Variants in FHIT observed in about 807,000 individuals in gnomAD.
The protein encoded by FHIT is bis(5'-adenosyl)-triphosphatase.
A neutral mutation model predicts 17.9 loss-of-function variants in FHIT; 19 were observed. The ratio of observed to expected loss-of-function variants is 1.06; its 90% CI spans 0.74 to 1.56. FHIT has a LOEUF of 1.56. Ranked by LOEUF, FHIT falls within the 40% of genes most tolerant of loss-of-function variation. FHIT has a pLI of 0.00. For missense variants in FHIT, 248 were observed against 189.2 expected, an observed-to-expected ratio of 1.31 and a Z score of -1.82; for synonymous variants, 81 against 69.7, an observed-to-expected ratio of 1.16 and a Z score of -0.81.
chr3:60,716,518 A>G (rs578132038), intron 4 of FHIT, among the ~76,000 whole-genome samples: 1 of 152,260 alleles, frequency 6.6e-6, no homozygotes, highest in East Asian at 1.9e-4. Context: ...GCAGGTCTTC[A>G]GGGGCAGTAA....
chr3:61,078,554 C>T (rs1208929709), intron 2 of FHIT, among the ~76,000 whole-genome samples: 5 of 152,136 alleles, frequency 3.3e-5, no homozygotes, highest in Non-Finnish European at 7.4e-5. Context: ...CTCCCCATTC[C>T]CTGCTTTCAT....
chr3:60,309,987 C>T (rs1340553165), intron 5 of FHIT, among the ~76,000 whole-genome samples: 4 of 152,242 alleles, frequency 2.6e-5, no homozygotes, highest in African/African-American at 7.2e-5. Flanking sequence ...TCCTTGAGGA[C>T]AAGGACACGT....
At chr3:59,967,920 A>G (rs1708004023) in intron 7 of FHIT, among the ~76,000 whole-genome samples, 2 of 152,126 alleles carry the variant, frequency 1.3e-5, no homozygotes, top group South Asian at 4.1e-4. Context: ...AGAAAATGGA[A>G]AATGAAGGAA....
At chr3:60,516,441 A>G (rs2035160907) in intron 5 of FHIT, among the ~76,000 whole-genome samples, 1 of 152,162 alleles carries the variant, frequency 6.6e-6, no homozygotes, top group South Asian at 2.1e-4. Flanking sequence ...ATATAGTTGG[A>G]AAAGGAACTA....
intron 1 of FHIT, among the ~76,000 whole-genome samples, chr3:61,228,224 C>CTT (rs1398243923): frequency 2.0e-5 from 3 of 151,920 alleles, no homozygotes; most frequent in Non-Finnish European, 4.4e-5. Flanking sequence ...TGACCCTCTT[C>CTT]TTTTTCTTCA....
chr3:60,752,948 A>G lies in FHIT; in HGVS notation c.-18+68971T>C, dbSNP rs368668550. 4.6e-5 allele frequency among the ~76,000 whole-genome samples: 7 copies of G among 152,308 alleles called. No individual in the cohort carries two copies. The East Asian group carries it at 5.8e-4, about 13-fold the overall frequency. On this transcript the variant is annotated intron_variant, in intron 4 of 9. Transcript: ENST00000492590. Reference sequence around the variant, plus strand: ...CCGTTAGGCATCTGTCGTGCTCCCAATTACATTACTTTCGACAGCCCTAAG... The same window carrying G: ...CCGTTAGGCATCTGTCGTGCTCCCAGTTACATTACTTTCGACAGCCCTAAG...
At chr3:61,177,989 T>G (rs1330104517) in intron 2 of FHIT, among the ~76,000 whole-genome samples, 3 of 152,200 alleles carry the variant, frequency 2.0e-5, no homozygotes, top group African/African-American at 4.8e-5. Context: ...CAGTGATGCA[T>G]CCCATTGGTC....
At chr3:60,707,326 G>A (rs1410881738) in intron 4 of FHIT, among the ~76,000 whole-genome samples, 1 of 152,166 alleles carries the variant, frequency 6.6e-6, no homozygotes, top group African/African-American at 2.4e-5. Context: ...ACTGACACAG[G>A]AGACTGACAG....
In FHIT at chr3:60,649,314, G is replaced by A. The variant is rs558548259; in HGVS notation, c.-17-112335C>T. On this transcript the variant is annotated intron_variant, in intron 4 of 9. Transcript: ENST00000492590. ...ACTCAGGAGTCTGAGGCAGGAGGCTGAGGCGTTAACCTGGGAGGCAGAGCT... is the reference window on the plus strand; with the variant it reads ...ACTCAGGAGTCTGAGGCAGGAGGCTAAGGCGTTAACCTGGGAGGCAGAGCT... Among the ~76,000 whole-genome samples, 98 of 152,256 alleles carry A rather than the reference G, an allele frequency of 6.4e-4. 1 individual carries two copies. The highest frequency in any genetic ancestry group is 2.1e-3 in the African/African-American group (89 of 41,568).
At chr3:61,113,221 G>A (rs563373821) in intron 2 of FHIT, among the ~76,000 whole-genome samples, 47 of 151,876 alleles carry the variant, frequency 3.1e-4, no homozygotes, top group Non-Finnish European at 5.9e-4. Flanking sequence ...TGTTGCCCAG[G>A]CTGCTCTCAA....
intron 5 of FHIT, among the ~76,000 whole-genome samples, chr3:60,120,233 T>C (rs563383350): frequency 6.6e-6 from 1 of 152,302 alleles, no homozygotes; most frequent in East Asian, 1.9e-4. Flanking sequence ...CAGTAAACTC[T>C]CTGGCAGCAG....
chr3:60,558,910 T>C (rs2036836371), intron 4 of FHIT, among the ~76,000 whole-genome samples: 1 of 152,204 alleles, frequency 6.6e-6, no homozygotes. Context: ...GTTCGATCCA[T>C]TTCAAGCTAA....
intron 7 of FHIT, among the ~76,000 whole-genome samples, chr3:59,923,471 C>T (rs1269814375): frequency 1.3e-5 from 2 of 152,124 alleles, no homozygotes; most frequent in Admixed American, 1.3e-4. Context: ...ATATACATAG[C>T]AATGCTATTA....
At chr3:60,712,917 G>C (rs79534031) in intron 4 of FHIT, among the ~76,000 whole-genome samples, 117,531 of 140,478 alleles carry the variant, frequency 0.84, 50,959 homozygotes, top group East Asian at 1. Flanking sequence ...CAGCTCTGCA[G>C]CAAGCGGACC....
intron 1 of FHIT, among the ~76,000 whole-genome samples, chr3:61,214,117 G>A (rs12491168): frequency 0.39 from 59,141 of 151,290 alleles, 11,782 homozygotes; most frequent in East Asian, 0.52. Context: ...AAGAGCAAAC[G>A]CATTCAAAAG....
At chr3:60,281,055 G>GGATAAAATTTTTCTTTTATCCTGA (rs1707425079) in intron 5 of FHIT, among the ~76,000 whole-genome samples, 1 of 4,854 alleles carries the variant, frequency 2.1e-4, no homozygotes, top group Non-Finnish European at 6.0e-4. Context: ...CAATATGCCA[G>GGATAAAATTTTTCTTTTATCCTGA]AAAATAACAA....
intron 5 of FHIT, among the ~76,000 whole-genome samples, chr3:60,532,724 T>C (rs2035832097): frequency 6.6e-6 from 1 of 152,208 alleles, no homozygotes; most frequent in African/African-American, 2.4e-5. Context: ...AAGGAGGGAC[T>C]GAAGTGGCTG....
intron 4 of FHIT, among the ~76,000 whole-genome samples, chr3:60,539,099 AAAAC>A (rs1433918740): frequency 1.1e-4 from 16 of 152,212 alleles, no homozygotes; most frequent in African/African-American, 2.9e-4. Flanking sequence ...TTACAAGAAA[AAAAC>A]AAACAACCCC....
chr3:60,308,471 TATAG>T lies in FHIT; in HGVS notation c.103+228385_103+228388del, dbSNP rs1191700736. On this transcript the variant is annotated intron_variant, in intron 5 of 9. Transcript: ENST00000492590. ...ACCCAACACTCTACCAAATTGCACG[TATAG>T]GTATAGGTATAGGTGTATGTGTATA... Among the ~76,000 whole-genome samples, 11 of 122,606 alleles carry T rather than the reference TATAG, an allele frequency of 9.0e-5. No homozygotes were observed. The South Asian group carries it at 2.8e-3, about 31-fold the overall frequency. 80.4% of individuals were successfully genotyped at this position (122,606 alleles called of 152,430 possible).
Sources: allele counts gnomAD v4.1 joint callset (sites outside exome capture counted in the v4.1 genomes callset), GRCh38; gene constraint gnomAD v4.1.1; transcripts MANE v1.5; gene names NCBI Gene and HGNC (gene_info 2026-07-23, HGNC 2026-07-21).